FHIT: variants seen among roughly 807,000 people sequenced by gnomAD.
FHIT encodes bis(5'-adenosyl)-triphosphatase.
FHIT carries 19 observed loss-of-function variants against 17.9 expected under a neutral mutation model. That is an observed-to-expected ratio of 1.06 (90% CI 0.74 to 1.56). The LOEUF is 1.56. FHIT is among the 40% of genes most tolerant of loss of function. The pLI, the probability that FHIT is intolerant of heterozygous loss-of-function variation, is 0.00. For synonymous variants in FHIT, 81 were observed against 69.7 expected, an observed-to-expected ratio of 1.16 and a Z score of -0.81; for missense variants, 248 against 189.2, an observed-to-expected ratio of 1.31 and a Z score of -1.82.
chr3:60,957,086 T>A (rs954646110), intron 3 of FHIT, among the ~76,000 whole-genome samples: 1 of 152,114 alleles, frequency 6.6e-6, no homozygotes, highest in African/African-American at 2.4e-5. Flanking sequence ...AAATATCTTG[T>A]TCAAAATCAG....
intron 8 of FHIT, among the ~76,000 whole-genome samples, chr3:59,878,340 A>T (rs1365422664): frequency 1.3e-5 from 2 of 152,176 alleles, no homozygotes; most frequent in African/African-American, 2.4e-5. Context: ...CATATTTGAC[A>T]TCCAGAGCTC....
At chr3:59,899,392 CT>C (rs1332668756) in intron 8 of FHIT, among the ~76,000 whole-genome samples, 1 of 152,162 alleles carries the variant, frequency 6.6e-6, no homozygotes. Context: ...GGCCTTGTGG[CT>C]TTTGCTAGCA....
intron 7 of FHIT, among the ~76,000 whole-genome samples, chr3:59,980,177 T>A (rs559175249): frequency 1.3e-5 from 2 of 152,240 alleles, no homozygotes; most frequent in East Asian, 1.9e-4. Flanking sequence ...CTCACTAAAT[T>A]AACTCACCTT....
intron 2 of FHIT, among the ~76,000 whole-genome samples, chr3:61,050,817 T>C (rs1280640153): frequency 2.0e-5 from 3 of 152,194 alleles, no homozygotes; most frequent in Non-Finnish European, 4.4e-5. Flanking sequence ...GAGTCAGACA[T>C]TGGTTGGACC....
chr3:60,641,722 T>C (rs1182608131), intron 4 of FHIT, among the ~76,000 whole-genome samples: 4 of 152,112 alleles, frequency 2.6e-5, no homozygotes, highest in Admixed American at 1.3e-4. Flanking sequence ...TGAAGCCTAT[T>C]CAGGTTTTGG....
chr3:60,959,714 GAA>G (rs1191339068), intron 3 of FHIT, among the ~76,000 whole-genome samples: 1 of 151,896 alleles, frequency 6.6e-6, no homozygotes, highest in African/African-American at 2.4e-5. Flanking sequence ...GAGGCAGAAA[GAA>G]AGAGATTTTG....
chr3:60,045,531 G>A (rs1205794446), intron 5 of FHIT, among the ~76,000 whole-genome samples: 3 of 152,050 alleles, frequency 2.0e-5, no homozygotes, highest in South Asian at 2.1e-4. Flanking sequence ...CCCACAACAC[G>A]TGAGATTTGG....
intron 5 of FHIT, among the ~76,000 whole-genome samples, chr3:60,519,386 C>A (rs1269621270): frequency 1.3e-5 from 2 of 152,258 alleles, no homozygotes; most frequent in African/African-American, 4.8e-5. Flanking sequence ...AATATATTTA[C>A]AGTTGGCCCT....
At chr3:59,751,782 C>T (rs1484365822) in intron 9 of FHIT, 2 of 236,220 alleles carry the variant, frequency 8.5e-6, no homozygotes, top group East Asian at 1.2e-4. Flanking sequence ...AGGAGTTTGC[C>T]CGGGGGCGTG....
In FHIT at chr3:60,029,879, TTGTG is replaced by T. The variant is rs746113510; in HGVS notation, c.104-15731_104-15728del. On this transcript the variant is annotated intron_variant, in intron 5 of 9. Transcript: ENST00000492590. ...TTGGGCAGATGTCCTCATAGAAGCA[TTGTG>T]TGTGTGTGTGTGTCTGTGTGTGTGT... is the stretch of plus-strand genomic sequence containing the variant. 8.4e-5 allele frequency among the ~76,000 whole-genome samples: 11 copies of T among 131,482 alleles called. No homozygotes were observed. The East Asian group carries it at 2.0e-3, about 24-fold the overall frequency. The allele number at this position is 131,482 out of a possible 152,430, so 86.3% of individuals were successfully genotyped here.
intron 8 of FHIT, among the ~76,000 whole-genome samples, chr3:59,812,116 C>G (rs1700427850): frequency 1.3e-5 from 2 of 152,022 alleles, no homozygotes; most frequent in African/African-American, 4.8e-5. Flanking sequence ...AGGGTAGATG[C>G]TACTGGCATC....
At chr3:59,830,032 C>T (rs2106699473) in intron 8 of FHIT, among the ~76,000 whole-genome samples, 1 of 152,166 alleles carries the variant, frequency 6.6e-6, no homozygotes, top group Admixed American at 6.5e-5. Context: ...GCCATGATCA[C>T]ACCACTGCAC....
At chr3:60,059,723 G>C (rs570003138) in intron 5 of FHIT, among the ~76,000 whole-genome samples, 29 of 152,112 alleles carry the variant, frequency 1.9e-4, no homozygotes, top group Non-Finnish European at 4.1e-4. Context: ...CCAACAAAAA[G>C]AGCAGAGGTT....
chr3:59,832,297 T>C (rs561010627), intron 8 of FHIT, among the ~76,000 whole-genome samples: 20 of 152,298 alleles, frequency 1.3e-4, no homozygotes, highest in South Asian at 2.1e-4. Context: ...TTCTCAACCA[T>C]TGAGTCACAG....
chr3:60,291,205 G>A (rs1454293259), intron 5 of FHIT, among the ~76,000 whole-genome samples: 1 of 152,070 alleles, frequency 6.6e-6, no homozygotes, highest in African/African-American at 2.4e-5. Context: ...TGGGTTGCCG[G>A]TCCACAGGGA....
At chr3:60,808,569 CA>C (rs1280440485) in intron 4 of FHIT, among the ~76,000 whole-genome samples, 8 of 152,144 alleles carry the variant, frequency 5.3e-5, no homozygotes, top group Admixed American at 5.2e-4. Flanking sequence ...ATTCTAGAAT[CA>C]GACAAAACCT....
intron 5 of FHIT, among the ~76,000 whole-genome samples, chr3:60,255,749 A>G (rs1705956501): frequency 6.6e-6 from 1 of 152,118 alleles, no homozygotes; most frequent in African/African-American, 2.4e-5. Flanking sequence ...GCAGCCTTAG[A>G]TGGATATCTA....
intron 5 of FHIT, among the ~76,000 whole-genome samples, chr3:60,030,190 G>A (rs537924628): frequency 6.6e-6 from 1 of 152,108 alleles, no homozygotes; most frequent in Non-Finnish European, 1.5e-5. Flanking sequence ...TATGACTGAA[G>A]GGAGATTACA....
intron 3 of FHIT, among the ~76,000 whole-genome samples, chr3:61,023,817 T>C (rs9850949): frequency 0.26 from 39,642 of 151,922 alleles, 6,075 homozygotes; most frequent in African/African-American, 0.43. Context: ...TGAAACTGGA[T>C]CCCTTCCTTA....
Sources: gnomAD v4.1 joint callset for allele counts (sites outside exome capture counted in the v4.1 genomes callset) on GRCh38, gnomAD v4.1.1 for gene constraint, MANE v1.5 for transcripts, NCBI Gene and HGNC (gene_info 2026-07-23, HGNC 2026-07-21) for gene names.